The following NXPE2 variants were observed in gnomAD, a reference collection of about 807,000 sequenced individuals.
NXPE2 encodes neurexophilin and PC-esterase domain family member 2.
NXPE2 carries 34 observed loss-of-function variants against 34.4 expected under a neutral mutation model. The ratio of observed to expected loss-of-function variants is 0.99; its 90% CI spans 0.75 to 1.31. The LOEUF (loss-of-function observed/expected upper bound fraction) is 1.31, where lower values mean the gene tolerates loss of function less well. Among genes scored for constraint, NXPE2 ranks in the 40% most tolerant of loss-of-function variants. NXPE2 has a pLI of 0.00. For synonymous variants in NXPE2, 235 were observed against 231.3 expected, an observed-to-expected ratio of 1.02 and a Z score of -0.15; for missense variants, 649 against 672.5, an observed-to-expected ratio of 0.97 and a Z score of 0.39.
At chr11:114,489,003 G>A in the NXPE2 span, among the ~76,000 whole-genome samples, 5 of 151,870 alleles carry the variant, frequency 3.3e-5, no homozygotes, top group South Asian at 2.1e-4. Context: ...TCAAATAGAC[G>A]CAATAAAAAA....
At chr11:114,759,106 A>T in the NXPE2 span, among the ~76,000 whole-genome samples, 23 of 151,302 alleles carry the variant, frequency 1.5e-4, no homozygotes, top group African/African-American at 5.6e-4. Context: ...ACACACACAC[A>T]CTCTCTCTCT....
chr11:114,690,714 A>G (rs890220707), intron 2 of NXPE2, among the ~76,000 whole-genome samples: 2 of 152,112 alleles, frequency 1.3e-5, no homozygotes, highest in Non-Finnish European at 2.9e-5. Flanking sequence ...TTCTCGCTCA[A>G]AAATGCCAGT....
At chr11:114,632,163 T>G in the NXPE2 span, among the ~76,000 whole-genome samples, 1 of 142,074 alleles carries the variant, frequency 7.0e-6, no homozygotes. Flanking sequence ...TAAATAAAAT[T>G]TATCATATAA....
the NXPE2 span, among the ~76,000 whole-genome samples, chr11:114,761,134 G>C: frequency 6.6e-6 from 1 of 152,184 alleles, no homozygotes; most frequent in South Asian, 2.1e-4. Context: ...CTGCAAATGT[G>C]CTTTATTATC....
the NXPE2 span, among the ~76,000 whole-genome samples, chr11:114,786,125 G>A: frequency 2.6e-5 from 4 of 152,230 alleles, no homozygotes; most frequent in Non-Finnish European, 5.9e-5. Flanking sequence ...AGCCCAGGAC[G>A]GTACTCCTGA....
chr11:114,492,078 G>A, the NXPE2 span, among the ~76,000 whole-genome samples: 4 of 152,032 alleles, frequency 2.6e-5, no homozygotes, highest in South Asian at 2.1e-4. Flanking sequence ...GTTAATGGGT[G>A]CAGCACACCA....
chr11:114,488,956 C>T, the NXPE2 span, among the ~76,000 whole-genome samples: 8 of 151,776 alleles, frequency 5.3e-5, no homozygotes, highest in African/African-American at 7.3e-5. Context: ...ATTGATAGAC[C>T]GCTAGCAAGA....
the NXPE2 span, among the ~76,000 whole-genome samples, chr11:114,767,374 A>G: frequency 1.3e-5 from 2 of 152,196 alleles, no homozygotes; most frequent in Admixed American, 1.3e-4. Flanking sequence ...CATACAAAAA[A>G]GAACTCAATC....
chr11:114,695,278 TG>T (rs1367603473), intron 2 of NXPE2, among the ~76,000 whole-genome samples: 1 of 152,158 alleles, frequency 6.6e-6, no homozygotes, highest in Non-Finnish European at 1.5e-5. Context: ...CCTATTGAGT[TG>T]GTTGTAAGAT....
At chr11:114,808,195 T>C in the NXPE2 span, among the ~76,000 whole-genome samples, 1 of 152,158 alleles carries the variant, frequency 6.6e-6, no homozygotes, top group Non-Finnish European at 1.5e-5. Flanking sequence ...TTCAAAGCAG[T>C]GTGTAGAGGG....
At chr11:114,646,355 G>C in the NXPE2 span, among the ~76,000 whole-genome samples, 1 of 151,192 alleles carries the variant, frequency 6.6e-6, no homozygotes, top group Non-Finnish European at 1.5e-5. Context: ...GTTCTTTTCT[G>C]TATCTATTAA....
At chr11:114,759,064 G>GTGCA in the NXPE2 span, among the ~76,000 whole-genome samples, 1 of 151,764 alleles carries the variant, frequency 6.6e-6, no homozygotes, top group Non-Finnish European at 1.5e-5. Context: ...ACACACGTGC[G>GTGCA]CAAACACACA....
the NXPE2 span, among the ~76,000 whole-genome samples, chr11:114,787,076 T>A: frequency 2.0e-5 from 3 of 152,148 alleles, no homozygotes; most frequent in Non-Finnish European, 4.4e-5. Context: ...CTCTTCTCCC[T>A]GCATACTCAG....
the NXPE2 span, among the ~76,000 whole-genome samples, chr11:114,485,441 G>A: frequency 7.1e-6 from 1 of 140,610 alleles, no homozygotes. Context: ...TGTTGGCCAG[G>A]CTGGTCTTGA....
the NXPE2 span, among the ~76,000 whole-genome samples, chr11:114,715,484 G>T: frequency 6.6e-6 from 1 of 152,042 alleles, no homozygotes; most frequent in Non-Finnish European, 1.5e-5. Context: ...GCCTTTGATT[G>T]ATTTATTTTA....
the NXPE2 span, among the ~76,000 whole-genome samples, chr11:114,765,230 T>C: frequency 6.7e-6 from 1 of 149,624 alleles, no homozygotes; most frequent in East Asian, 2.0e-4. Context: ...CAAGCTGACA[T>C]TTGTTTCCAA....
the NXPE2 span, among the ~76,000 whole-genome samples, chr11:114,801,120 G>T: frequency 6.6e-6 from 1 of 152,122 alleles, no homozygotes; most frequent in Non-Finnish European, 1.5e-5. Context: ...TAACAGTAGT[G>T]AAAACACAAA....
At chr11:114,519,411 A>G in the NXPE2 span, among the ~76,000 whole-genome samples, 1 of 152,206 alleles carries the variant, frequency 6.6e-6, no homozygotes, top group Non-Finnish European at 1.5e-5. Flanking sequence ...ATGTTTTAAT[A>G]AAGTTCTCTT....
At chr11:114,543,252 A>G in the NXPE2 span, among the ~76,000 whole-genome samples, 1 of 152,134 alleles carries the variant, frequency 6.6e-6, no homozygotes, top group African/African-American at 2.4e-5. Context: ...GCTACTCAGG[A>G]GGCTGAGGCA....
Sources: gnomAD v4.1 joint callset for allele counts (sites outside exome capture counted in the v4.1 genomes callset) on GRCh38, gnomAD v4.1.1 for gene constraint, MANE v1.5 for transcripts, NCBI Gene and HGNC (gene_info 2026-07-23, HGNC 2026-07-21) for gene names.